CNTROB: variants seen among roughly 807,000 people sequenced by gnomAD.
The protein encoded by CNTROB is centrobin, centriole duplication and spindle assembly protein, also known as centrobin.
Under a neutral mutation model 115.7 loss-of-function variants are expected in CNTROB, and 82 were observed. The ratio of observed to expected loss-of-function variants is 0.71; its 90% CI spans 0.59 to 0.85. CNTROB has a LOEUF of 0.85. Ranked by LOEUF, CNTROB falls within the 40% of genes least tolerant of loss-of-function variation. The pLI is 0.00. For missense variants in CNTROB, 1,014 were observed against 1,144.4 expected (o/e 0.89, Z 1.64); for synonymous variants, 439 against 456.4 (o/e 0.96, Z 0.49).
At position 7,940,124 on chromosome 17, in the gene CNTROB, C is replaced by T. The variant is rs542074945; in HGVS notation, c.1193C>T (p.Ala398Val). 5 of 1,609,540 alleles carry T rather than the reference C, an allele frequency of 3.1e-6. No individual in the cohort carries two copies. Among genetic ancestry groups the T allele is most frequent in the Non-Finnish European group, 4.2e-6 (5 of 1,178,282 alleles). ...KEKSQREAQA[A>V]WETQHQLALV... ...AAGAGCCAGAGGGAAGCCCAGGCCG[C>T]CTGGGAGACCCAGCACCAGTTGGCA... The change falls in exon 9 of 19, where the codon GCC (alanine) becomes GTC (valine). Residue 398 changes from alanine (A) to valine (V), a missense_variant. Physicochemically the swap from Ala to Val is moderately conservative, Grantham distance 64. Coordinates refer to ENST00000563694, the MANE Select transcript of CNTROB (RefSeq NM_053051.5).
rs758945176 is a variant in CNTROB, at chr17:7,944,177, A to C, written c.1500A>C (p.Leu500=). The change falls in exon 11 of 19, where the codon CTA becomes CTC. Residue 500 remains leucine (L), a synonymous_variant. Coordinates refer to ENST00000563694, the MANE Select transcript of CNTROB (RefSeq NM_053051.5). This position sits in a 1 kb window ranked among gnomAD's most constrained non-coding sequence, Gnocchi z 4.0. ...GQHQQELASQ[L]AQFKVEMAER... ...ACCAGCAGGAGCTGGCCAGTCAGCTAGCTCAGTTCAAGGTGGAAATGGCAG... is the reference window on the plus strand; with the variant it reads ...ACCAGCAGGAGCTGGCCAGTCAGCTCGCTCAGTTCAAGGTGGAAATGGCAG... 5.6e-6 allele frequency: 9 copies of C among 1,611,636 alleles called. No individual in the cohort carries two copies. In the East Asian group the frequency reaches 1.8e-4, roughly 32 times the overall value.
chr17:7,944,564 C>T lies in CNTROB; in HGVS notation c.1660C>T (p.Gln554Ter). ...EQRVELVERL[Q>*]AMLQAHWDEA... ...GCGGGTGGAGCTGGTGGAAAGACTG[C>T]AGGCCATGCTGCAGGCCCACTGGGA... Residue 554 changes from glutamine (Q) to a stop codon, truncating the protein, a stop_gained, in exon 12 of 19, where the codon CAG becomes TAG. Transcript: ENST00000563694. LOFTEE classifies it high-confidence loss of function. The surrounding 1 kb of genome is among the most constrained non-coding windows in gnomAD (Gnocchi z 4.0). 6.2e-7 allele frequency: 1 copy of T among 1,614,072 alleles called. No homozygotes were observed. Among genetic ancestry groups the T allele is most frequent in the Non-Finnish European group, 8.5e-7 (1 of 1,179,942 alleles).
Position 7,940,167 on chromosome 17 carries a change from G to A in CNTROB, c.1236G>A (p.Val412=), listed in dbSNP as rs781159983. The A allele has an allele frequency of 2.5e-6, 4 of 1,612,424 alleles. No homozygotes were observed. In the South Asian group the frequency reaches 3.3e-5, roughly 13 times the overall value. ...AGTTGGCATTGGTGCAGTCTGAGGT[G>A]CGGCGGCTGGAAGGAGAGCTGGATA... ...QHQLALVQSE[V]RRLEGELDTA... Residue 412 remains valine (V), a synonymous_variant, in exon 9 of 19, where the codon GTG becomes GTA. Transcript: ENST00000563694.
chr17:7,944,406 T>A lies in CNTROB; in HGVS notation c.1572-70T>A, dbSNP rs1422759235. The A allele has an allele frequency of 6.3e-7, 1 of 1,590,946 alleles. No homozygotes were observed. The highest frequency in any genetic ancestry group is 8.6e-7 in the Non-Finnish European group (1 of 1,163,262). The stretch of plus-strand genomic sequence containing the variant: ...TATCAGATGTCCAACATTTCCCTTC[T>A]GGCTCTTTTTAGCTCCCAAGTATCT... On this transcript the variant is annotated intron_variant, in intron 11 of 18. Coordinates refer to ENST00000563694, the MANE Select transcript of CNTROB (RefSeq NM_053051.5). This position sits in a 1 kb window ranked among gnomAD's most constrained non-coding sequence, Gnocchi z 4.0.
intron 13 of CNTROB, among the ~76,000 whole-genome samples, chr17:7,947,139 C>A (rs1466185353): frequency 2.9e-5 from 4 of 139,542 alleles, no homozygotes; most frequent in African/African-American, 1.1e-4. Flanking sequence ...TCAGCCTGGG[C>A]GACAGAGCGA....
At chr17:7,949,298 G>A (rs1453091595) in intron 18 of CNTROB, 87 bp from the exon 19 acceptor site, 3 of 1,592,508 alleles carry the variant, frequency 1.9e-6, no homozygotes, top group Non-Finnish European at 2.6e-6. Context: ...GACTCATCTG[G>A]CCCTCTCCAC....
chr17:7,934,180 C>G lies in CNTROB; in HGVS notation c.313C>G (p.Gln105Glu), dbSNP rs747793177. Reference protein sequence around the residue: ...HIFEMESVRGQLQTMLQTSRD... With the variant: ...HIFEMESVRGELQTMLQTSRD... ...CTTTGAGATGGAAAGTGTTCGGGGT[C>G]AGCTCCAGACCATGCTCCAAACCTC... Residue 105 changes from glutamine (Q) to glutamate (E), a missense_variant, in exon 2 of 19, where the codon CAG (glutamine) becomes GAG (glutamate). Transcript: ENST00000563694. The G allele has an allele frequency of 1.2e-6, 2 of 1,614,174 alleles. No individual in the cohort carries two copies. The highest frequency in any genetic ancestry group is 2.2e-5 in the South Asian group (2 of 91,086).
rs79002474 is a variant in CNTROB, at chr17:7,932,455, G to A, written c.-625G>A. 2,860 of 157,522 alleles carry A rather than the reference G, an allele frequency of 0.018. 35 individuals carry two copies. Among genetic ancestry groups the A allele is most frequent in the Middle Eastern group, 0.064 (20 of 312 alleles). The allele number at this position is 157,522 out of a possible 1,614,324, so 9.8% of individuals were successfully genotyped here. A position where few individuals can be genotyped will look rare whatever the true frequency, so the allele number is the denominator to read the frequency against. ...TCACAAGGTTTCTTTTGGGGTGGTC[G>A]GGAGGGAGAGATTCTAGGGAACAAG... is the stretch of plus-strand genomic sequence containing the variant. On this transcript the variant is annotated 5_prime_UTR_variant, in exon 1 of 19. Transcript: ENST00000563694.
In CNTROB at chr17:7,949,155, G is replaced by A; in HGVS notation, c.2584G>A (p.Glu862Lys). 6.2e-7 allele frequency: 1 copy of A among 1,614,066 alleles called. No homozygotes were observed. The highest frequency in any genetic ancestry group is 8.5e-7 in the Non-Finnish European group (1 of 1,179,936). ...DSRLGEIPRK[E>K]IPSQAVPRRL... ...CCGCTTGGGTGAGATCCCCCGGAAA[G>A]AGGTGAGGGAAAGTCAGGCAGGGAC... is the stretch of plus-strand genomic sequence containing the variant. Residue 862 changes from glutamate (E) to lysine (K), a missense_variant and splice_region_variant, in exon 18 of 19, where the codon GAG (glutamate) becomes AAG (lysine). By Grantham distance (56) the Glu-to-Lys change is moderately conservative (BLOSUM62 1). Coordinates refer to ENST00000563694, the MANE Select transcript of CNTROB (RefSeq NM_053051.5).
At position 7,948,685 on chromosome 17, in the gene CNTROB, G is replaced by C; in HGVS notation, c.2513+66G>C. The C allele has an allele frequency of 6.2e-7, 1 of 1,613,908 alleles. No homozygotes were observed. Among genetic ancestry groups the C allele is most frequent in the Non-Finnish European group, 8.5e-7 (1 of 1,179,924 alleles). ...AAGCTGGATTATGGGGAGTGGAGTG[G>C]GTGTGTTTTACACTGAATTGAATCG... On this transcript the variant is annotated intron_variant, in intron 17 of 18. Coordinates refer to ENST00000563694, the MANE Select transcript of CNTROB (RefSeq NM_053051.5). The surrounding 1 kb of genome is among the most constrained non-coding windows in gnomAD (Gnocchi z 4.4).
intron 9 of CNTROB, among the ~76,000 whole-genome samples, chr17:7,942,865 G>T (rs555222595): frequency 8.0e-6 from 1 of 124,782 alleles, no homozygotes; most frequent in Admixed American, 9.6e-5. Flanking sequence ...GCAGTGGCGC[G>T]ATCTCGGCTC....
rs775397884 is a variant in CNTROB at position 7,948,261 on chromosome 17, CG to C, written c.2317del (p.Val773SerfsTer32). The C allele has an allele frequency of 6.2e-7, 1 of 1,613,978 alleles. No individual in the cohort carries two copies. The highest frequency in any genetic ancestry group is 1.3e-5 in the African/African-American group (1 of 74,874). ...VPLAMASSLFRVPEPPSSHSQ... is the reference protein window; with the variant it reads ...VPLAMASSLFXVPEPPSSHSQ... ...CTTAGCCATGGCATCCAGTCTTTTC[CG>C]GGTCCCTGAGCCTCCCTCCTCCCAT... On this transcript the variant is annotated frameshift_variant, in exon 16 of 19. Transcript: ENST00000563694. LOFTEE classifies it high-confidence loss of function. This position sits in a 1 kb window ranked among gnomAD's most constrained non-coding sequence, Gnocchi z 4.4.
chr17:7,933,483 T>C, intron 1 of CNTROB, 134 bp downstream of exon 1: 1 of 946,422 alleles, frequency 1.1e-6, no homozygotes. Flanking sequence ...TTTAACTGCA[T>C]AGGCAGCCAT....
chr17:7,933,524 C>G (rs1972774584), intron 1 of CNTROB, among the ~76,000 whole-genome samples, 175 bp downstream of exon 1: 1 of 152,148 alleles, frequency 6.6e-6, no homozygotes, highest in Non-Finnish European at 1.5e-5. Flanking sequence ...CCTGGGACAC[C>G]ATAATTTGAA....
chr17:7,932,979 C>G lies in CNTROB; in HGVS notation c.-101C>G, dbSNP rs1972684590. On this transcript the variant is annotated 5_prime_UTR_variant, in exon 1 of 19. Coordinates refer to ENST00000563694, the MANE Select transcript of CNTROB (RefSeq NM_053051.5). The stretch of plus-strand genomic sequence containing the variant: ...AGGATCCTTGGCGTGGAGTCTTCCT[C>G]CCTTCTCCCAAGTCTTTCTCCGTGA... 4 of 1,283,648 alleles carry G rather than the reference C, an allele frequency of 3.1e-6. No individual in the cohort carries two copies. The highest frequency in any genetic ancestry group is 4.3e-6 in the Non-Finnish European group (4 of 927,314). The allele number at this position is 1,283,648 out of a possible 1,614,324, so 79.5% of individuals were successfully genotyped here. A position where few individuals can be genotyped will look rare whatever the true frequency, so the allele number is the denominator to read the frequency against.
rs1294620225 is a variant in CNTROB at position 7,944,334 on chromosome 17, CT to C, written c.1571+88del. The C allele has an allele frequency of 6.4e-7, 1 of 1,555,006 alleles. No individual in the cohort carries two copies. Among genetic ancestry groups the C allele is most frequent in the Non-Finnish European group, 8.9e-7 (1 of 1,126,890 alleles). On this transcript the variant is annotated intron_variant, in intron 11 of 18. Coordinates refer to ENST00000563694, the MANE Select transcript of CNTROB (RefSeq NM_053051.5). The surrounding 1 kb of genome is among the most constrained non-coding windows in gnomAD (Gnocchi z 4.0). ...ACTGGGAACGGTGAAGAGCTGCTCCCTTGATTGATCTGTCCTCCTCTACATG... is the reference window on the plus strand; with the variant it reads ...ACTGGGAACGGTGAAGAGCTGCTCCCTGATTGATCTGTCCTCCTCTACATG...
Position 7,932,320 on chromosome 17 carries a change from C to A in CNTROB, c.-760C>A. ...ACTTTGGCAAATTGGGGACTGAGGACTGGAAGGGTGGAGAGTAGGCGGAAC... is the reference window on the plus strand; with the variant it reads ...ACTTTGGCAAATTGGGGACTGAGGAATGGAAGGGTGGAGAGTAGGCGGAAC... On this transcript the variant is annotated 5_prime_UTR_variant, in exon 1 of 19. It adds an upstream start codon to the 5' untranslated region. Coordinates refer to ENST00000563694, the MANE Select transcript of CNTROB (RefSeq NM_053051.5). The A allele has an allele frequency of 5.5e-6, 1 of 180,260 alleles. No homozygotes were observed. Among genetic ancestry groups the A allele is most frequent in the Non-Finnish European group, 1.2e-5 (1 of 84,178 alleles). The allele number at this position is 180,260 out of a possible 1,614,324, so 11.2% of individuals were successfully genotyped here.
At position 7,943,655 on chromosome 17, in the gene CNTROB, C is replaced by T; in HGVS notation, c.1445+131C>T. The T allele has an allele frequency of 4.1e-6, 4 of 970,634 alleles. No homozygotes were observed. The highest frequency in any genetic ancestry group is 5.9e-6 in the Non-Finnish European group (4 of 681,670). 60.1% of individuals were successfully genotyped at this position (970,634 alleles called of 1,614,324 possible). Reference sequence around the variant, plus strand: ...CCCAGGGTGCGCTAACTCCCATCAGCTGGGACCTGAGTCTCTCTCGGGAGG... The same window carrying T: ...CCCAGGGTGCGCTAACTCCCATCAGTTGGGACCTGAGTCTCTCTCGGGAGG... On this transcript the variant is annotated intron_variant, in intron 10 of 18. Coordinates refer to ENST00000563694, the MANE Select transcript of CNTROB (RefSeq NM_053051.5). The surrounding 1 kb of genome is among the most constrained non-coding windows in gnomAD (Gnocchi z 4.7).
rs1305157515 is a variant in CNTROB at position 7,949,176 on chromosome 17, G to A, written c.2586+19G>A. Reference sequence around the variant, plus strand: ...GAAAGAGGTGAGGGAAAGTCAGGCAGGGACCAGGGGAGAAAAGGGCTCTCA... The same window carrying A: ...GAAAGAGGTGAGGGAAAGTCAGGCAAGGACCAGGGGAGAAAAGGGCTCTCA... On this transcript the variant is annotated intron_variant, in intron 18 of 18. Coordinates refer to ENST00000563694, the MANE Select transcript of CNTROB (RefSeq NM_053051.5). 6 of 1,612,300 alleles carry A rather than the reference G, an allele frequency of 3.7e-6. No individual in the cohort carries two copies. Among genetic ancestry groups the A allele is most frequent in the Non-Finnish European group, 4.2e-6 (5 of 1,178,366 alleles).
Sources: allele counts gnomAD v4.1 joint callset (sites outside exome capture counted in the v4.1 genomes callset), GRCh38; gene constraint gnomAD v4.1.1; non-coding constraint Gnocchi (gnomAD v3.1); transcripts MANE v1.5; gene names NCBI Gene and HGNC (gene_info 2026-07-23, HGNC 2026-07-21).